XPNPEP3: variants seen among roughly 807,000 people sequenced by gnomAD.
The protein encoded by XPNPEP3 is X-prolyl aminopeptidase 3, also known as xaa-Pro aminopeptidase 3.
XPNPEP3 carries 41 observed loss-of-function variants against 60.0 expected under a neutral mutation model. That is an observed-to-expected ratio of 0.68 (90% CI 0.53 to 0.89). XPNPEP3 has a LOEUF of 0.89. Ranked by LOEUF, XPNPEP3 falls within the 40% of genes least tolerant of loss-of-function variation. The probability of loss-of-function intolerance (pLI) is 0.00; values close to 1 mark genes in which losing one functional copy is unlikely to be tolerated. For synonymous variants in XPNPEP3, 212 were observed against 223.2 expected (o/e 0.95, Z 0.45); for missense variants, 598 against 638.9 (o/e 0.94, Z 0.69).
chr22:40,870,803 G>A (rs2058001525), intron 2 of XPNPEP3, among the ~76,000 whole-genome samples: 1 of 152,098 alleles, frequency 6.6e-6, no homozygotes, highest in South Asian at 2.1e-4. Context: ...TGGATCACCT[G>A]AGGCCAGGAG....
At chr22:40,869,544 CA>C (rs1428760187) in intron 2 of XPNPEP3, among the ~76,000 whole-genome samples, 1 of 152,008 alleles carries the variant, frequency 6.6e-6, no homozygotes, top group Non-Finnish European at 1.5e-5. Context: ...TTGAAATTAT[CA>C]AATATTTACT....
In XPNPEP3 at chr22:40,881,811, C is replaced by T. The variant is rs1445917514; in HGVS notation, c.223C>T (p.Arg75Cys). 10 of 1,614,198 alleles carry T rather than the reference C, an allele frequency of 6.2e-6. No homozygotes were observed. Among genetic ancestry groups the T allele is most frequent in the East Asian group, 2.2e-5 (1 of 44,884 alleles). ...PGLSQVEYAL[R>C]RHKLMSLIQK... The stretch of plus-strand genomic sequence containing the variant: ...ACTATCTCAGGTGGAATATGCACTT[C>T]GCAGACACAAACTAATGTCTCTGAT... Residue 75 changes from arginine to cysteine, a missense_variant, in exon 3 of 10, where the codon CGC becomes TGC. By Grantham distance (180) the Arg-to-Cys change is radical. Coordinates refer to ENST00000357137, the MANE Select transcript of XPNPEP3 (RefSeq NM_022098.4).
chr22:40,915,828 T>C (rs190549957), intron 7 of XPNPEP3, among the ~76,000 whole-genome samples: 1 of 152,280 alleles, frequency 6.6e-6, no homozygotes, highest in East Asian at 1.9e-4. Context: ...TGAGGAGGCC[T>C]CATGAGGCTC....
At chr22:40,899,507 G>T (rs550703041) in intron 4 of XPNPEP3, among the ~76,000 whole-genome samples, 4 of 152,140 alleles carry the variant, frequency 2.6e-5, no homozygotes, top group African/African-American at 9.6e-5. Flanking sequence ...TGCTGGGACA[G>T]ATGGATATCC....
At chr22:40,913,179 G>A (rs1400998509) in intron 6 of XPNPEP3, among the ~76,000 whole-genome samples, 3 of 151,958 alleles carry the variant, frequency 2.0e-5, no homozygotes, top group African/African-American at 7.3e-5. Flanking sequence ...GAGAGCAAAA[G>A]GGGAAGTGGG....
At position 40,899,145 on chromosome 22, in the gene XPNPEP3, T is replaced by C. The variant is rs573137887; in HGVS notation, c.793-8442T>C. Reference sequence around the variant, plus strand: ...TTTCTTCACTGAATAGCCCCTTATGTCCATGGTTTTTTACCCATCGCTGTC... The same window carrying C: ...TTTCTTCACTGAATAGCCCCTTATGCCCATGGTTTTTTACCCATCGCTGTC... On this transcript the variant is annotated intron_variant, in intron 4 of 9. Transcript: ENST00000357137. 3.3e-5 allele frequency among the ~76,000 whole-genome samples: 5 copies of C among 152,314 alleles called. No homozygotes were observed. In the East Asian group the frequency reaches 9.6e-4, roughly 29 times the overall value.
chr22:40,904,758 A>AT (rs2058148052), intron 4 of XPNPEP3, among the ~76,000 whole-genome samples: 1 of 151,994 alleles, frequency 6.6e-6, no homozygotes, highest in Admixed American at 6.6e-5. Context: ...CCTTTAATTG[A>AT]TTTTTTAATT....
At chr22:40,917,497 T>C (rs1410679153) in intron 7 of XPNPEP3, 1 of 152,118 alleles carries the variant, frequency 6.6e-6, no homozygotes, top group African/African-American at 2.4e-5. Flanking sequence ...GAATTAGTAG[T>C]GGTGATGATT....
At chr22:40,886,235 T>A in intron 3 of XPNPEP3, 78 bp from the exon 4 acceptor site, 1 of 1,457,030 alleles carries the variant, frequency 6.9e-7, no homozygotes, top group Middle Eastern at 2.4e-4. Context: ...TGACTCTTGT[T>A]CAAGTCGTTA....
chr22:40,878,238 G>A (rs544668526), intron 2 of XPNPEP3, among the ~76,000 whole-genome samples: 16 of 151,836 alleles, frequency 1.1e-4, no homozygotes, highest in African/African-American at 3.6e-4. Context: ...TTGTGATGGA[G>A]AGTGCTTTGT....
intron 4 of XPNPEP3, among the ~76,000 whole-genome samples, chr22:40,890,792 A>G (rs1003899960): frequency 6.6e-6 from 1 of 151,956 alleles, no homozygotes; most frequent in South Asian, 2.1e-4. Context: ...ACATGAGCCC[A>G]GGGAGGTCGA....
chr22:40,915,184 G>A (rs1009586569), intron 7 of XPNPEP3, among the ~76,000 whole-genome samples: 7 of 151,454 alleles, frequency 4.6e-5, no homozygotes, highest in African/African-American at 1.5e-4. Flanking sequence ...CCCGAGTAGC[G>A]GGACTACAGG....
intron 7 of XPNPEP3, among the ~76,000 whole-genome samples, chr22:40,920,918 G>A (rs1025694530): frequency 1.3e-5 from 2 of 152,036 alleles, no homozygotes; most frequent in African/African-American, 2.4e-5. Context: ...TCAGCCTCCC[G>A]AGTAGCTGGA....
rs1167771783 is a variant in XPNPEP3, at chr22:40,924,431, A to G, written c.1306A>G (p.Met436Val). The stretch of plus-strand genomic sequence containing the variant: ...GATGGATGTCCATGACACTCCAGAC[A>G]TGCCCCGTTCCCTCCCTCTGCAGCC... Reference protein sequence around the residue: ...LGMDVHDTPDMPRSLPLQPGM... With the variant: ...LGMDVHDTPDVPRSLPLQPGM... The change falls in exon 9 of 10, where the codon ATG becomes GTG. Residue 436 changes from methionine (M) to valine (V), a missense_variant. Physicochemically the swap from Met to Val is conservative, Grantham distance 21. Coordinates refer to ENST00000357137, the MANE Select transcript of XPNPEP3 (RefSeq NM_022098.4). 1.2e-6 allele frequency: 2 copies of G among 1,614,096 alleles called. No individual in the cohort carries two copies. Among genetic ancestry groups the G allele is most frequent in the African/African-American group, 1.3e-5 (1 of 74,942 alleles).
intron 4 of XPNPEP3, among the ~76,000 whole-genome samples, chr22:40,899,366 C>T (rs542449547): frequency 8.6e-4 from 131 of 152,274 alleles, no homozygotes; most frequent in Non-Finnish European, 1.1e-3. Flanking sequence ...GACCTACCAG[C>T]GATTCAGAAT....
chr22:40,898,124 G>GTATTTTTA (rs2146262657), intron 4 of XPNPEP3, among the ~76,000 whole-genome samples: 1 of 148,990 alleles, frequency 6.7e-6, no homozygotes, highest in East Asian at 2.0e-4. Flanking sequence ...CTGTGCTTTT[G>GTATTTTTA]GTGTCATATC....
Position 40,926,477 on chromosome 22 carries a change from G to A in XPNPEP3, c.*42G>A, listed in dbSNP as rs2058235273. 1 of 1,611,108 alleles carries A rather than the reference G, an allele frequency of 6.2e-7. No homozygotes were observed. On this transcript the variant is annotated 3_prime_UTR_variant, in exon 10 of 10. Coordinates refer to ENST00000357137, the MANE Select transcript of XPNPEP3 (RefSeq NM_022098.4). Reference sequence around the variant, plus strand: ...CATGCACCTCAGGTTCAAAATGGGTGTCTTCTGGCAGCCCTGCACGTGTGC... The same window carrying A: ...CATGCACCTCAGGTTCAAAATGGGTATCTTCTGGCAGCCCTGCACGTGTGC...
At chr22:40,872,225 G>A (rs993218355) in intron 2 of XPNPEP3, among the ~76,000 whole-genome samples, 4 of 152,072 alleles carry the variant, frequency 2.6e-5, no homozygotes, top group South Asian at 2.1e-4. Context: ...GTGATTTTAC[G>A]GCTAGGTTCT....
At chr22:40,861,578 G>GGA in intron 1 of XPNPEP3, 1 of 1,613,028 alleles carries the variant, frequency 6.2e-7, no homozygotes, top group Non-Finnish European at 8.5e-7. Flanking sequence ...CACTGGCAGT[G>GGA]GAGAAAAAGT....
Sources: gnomAD v4.1 joint callset for allele counts (sites outside exome capture counted in the v4.1 genomes callset) on GRCh38, gnomAD v4.1.1 for gene constraint, MANE v1.5 for transcripts, NCBI Gene and HGNC (gene_info 2026-07-23, HGNC 2026-07-21) for gene names.